ANP32E: variants seen among roughly 807,000 people sequenced by gnomAD.
The protein encoded by ANP32E is acidic leucine-rich nuclear phosphoprotein 32 family member E.
Under a neutral mutation model 35.3 loss-of-function variants are expected in ANP32E, and 14 were observed. The ratio of observed to expected loss-of-function variants is 0.40; its 90% confidence interval spans 0.26 to 0.62. The LOEUF (loss-of-function observed/expected upper bound fraction) is 0.62. Among genes scored for constraint, ANP32E ranks in the 20% least tolerant of loss-of-function variants. ANP32E has a pLI of 0.45. For synonymous variants in ANP32E, 89 were observed against 110.4 expected (o/e 0.81, Z 1.22); for missense variants, 198 against 304.4 (o/e 0.65, Z 2.60).
At chr1:150,234,673 A>C in intron 1 of ANP32E, 5 of 985,604 alleles carry the variant, frequency 5.1e-6, no homozygotes, top group Non-Finnish European at 6.0e-6. Flanking sequence ...TGCCGCTCCG[A>C]CTGACGGGAA....
Position 150,220,384 on chromosome 1 carries a change from T to C in ANP32E, c.*307A>G. 1 of 264,848 alleles carries C rather than the reference T, an allele frequency of 3.8e-6. No individual in the cohort carries two copies. The highest frequency in any genetic ancestry group is 4.8e-5 in the South Asian group (1 of 20,708). The allele number at this position is 264,848 out of a possible 1,614,324, so 16.4% of individuals were successfully genotyped here. On this transcript the variant is annotated 3_prime_UTR_variant, in exon 7 of 7. Coordinates refer to ENST00000583931, the MANE Select transcript of ANP32E (RefSeq NM_030920.5). ...GCACCATACTACACCTGTGTAAAAG[T>C]GATCATGTTTTAATTATGGGCTAAA... is the stretch of plus-strand genomic sequence containing the variant.
intron 2 of ANP32E, among the ~76,000 whole-genome samples, 182 bp from the exon 3 acceptor site, chr1:150,230,875 T>C (rs1198364422): frequency 5.3e-5 from 8 of 152,016 alleles, no homozygotes; most frequent in Admixed American, 4.6e-4. Context: ...CCCAAGTAGC[T>C]GGGATTACAG....
At position 150,218,721 on chromosome 1, in the gene ANP32E, A is replaced by G. The variant is rs1363069278; in HGVS notation, c.*1970T>C. ...TCTACAAAATATAAAACCCACCCTT[A>G]CTTATTTGCATGAAAATACCACCCA... On this transcript the variant is annotated 3_prime_UTR_variant, in exon 7 of 7. Transcript: ENST00000583931. 6.6e-6 allele frequency: 1 copy of G among 152,596 alleles called. No homozygotes were observed. The highest frequency in any genetic ancestry group is 2.4e-5 in the African/African-American group (1 of 41,448). 9.5% of individuals were successfully genotyped at this position (152,596 alleles called of 1,614,324 possible). A position where few individuals can be genotyped will look rare whatever the true frequency, so the allele number is the denominator to read the frequency against.
At position 150,235,833 on chromosome 1, in the gene ANP32E, C is replaced by T; in HGVS notation, c.-47G>A. On this transcript the variant is annotated 5_prime_UTR_variant, in exon 1 of 7. Transcript: ENST00000583931. This position sits in a 1 kb window ranked among gnomAD's most constrained non-coding sequence, Gnocchi z 4.2. ...TACTACTCTCCTTTTCCCTTTCCTG[C>T]CTTCCCCAATACCCCCAACCCAAAA... The T allele has an allele frequency of 6.7e-7, 1 of 1,484,026 alleles. No individual in the cohort carries two copies. Among genetic ancestry groups the T allele is most frequent in the South Asian group, 1.2e-5 (1 of 84,712 alleles). 91.9% of individuals were successfully genotyped at this position (1,484,026 alleles called of 1,614,324 possible).
intron 3 of ANP32E, 21 bp from the exon 4 acceptor site, chr1:150,229,258 C>G: frequency 8.0e-7 from 1 of 1,245,720 alleles, no homozygotes. Context: ...AAAGTTAAAA[C>G]TTACATTCAA....
In ANP32E at chr1:150,230,211, T is replaced by C. The variant is rs587676933; in HGVS notation, c.327+360A>G. ...TTTTTTCAAAATCAGAGCAATAATT[T>C]TCAGCATGTCAGTTTTTCTTTTCCT... is the stretch of plus-strand genomic sequence containing the variant. On this transcript the variant is annotated intron_variant, in intron 3 of 6. Transcript: ENST00000583931. 5.3e-5 allele frequency among the ~76,000 whole-genome samples: 8 copies of C among 152,042 alleles called. No individual in the cohort carries two copies. In the East Asian group the frequency reaches 1.5e-3, roughly 29 times the overall value.
rs188989339 is a variant in ANP32E at position 150,218,837 on chromosome 1, T to C, written c.*1854A>G. ...TAATTTTGATTGCACAGTAAGATGATTGATAAGAAAGTCAATATATAGATT... is the reference window on the plus strand; with the variant it reads ...TAATTTTGATTGCACAGTAAGATGACTGATAAGAAAGTCAATATATAGATT... On this transcript the variant is annotated 3_prime_UTR_variant, in exon 7 of 7. Transcript: ENST00000583931. The C allele has an allele frequency of 2.0e-5, 3 of 152,768 alleles. No homozygotes were observed. The highest frequency in any genetic ancestry group is 7.2e-5 in the African/African-American group (3 of 41,588). 9.5% of individuals were successfully genotyped at this position (152,768 alleles called of 1,614,324 possible).
rs1649121679 is a variant in ANP32E, at chr1:150,229,062, G to A, written c.493+10C>T. The stretch of plus-strand genomic sequence containing the variant: ...ATTATGACACACTTATGAGTATTAA[G>A]AACGATTACCCTCATCATCCTCCTC... On this transcript the variant is annotated intron_variant, in intron 4 of 6. Coordinates refer to ENST00000583931, the MANE Select transcript of ANP32E (RefSeq NM_030920.5). 6.2e-7 allele frequency: 1 copy of A among 1,610,254 alleles called. No homozygotes were observed. The highest frequency in any genetic ancestry group is 8.5e-7 in the Non-Finnish European group (1 of 1,178,642).
Position 150,236,051 on chromosome 1 carries a change from TACACACAC to T in ANP32E, c.-273_-266del, listed in dbSNP as rs1159794096. ...ACACGCACGCACGCGCGCACACACA[TACACACAC>T]ACATACACACACACACCCGCAGTTC... On this transcript the variant is annotated 5_prime_UTR_variant, in exon 1 of 7. An upstream open reading frame in the 5' UTR gains an earlier in-frame stop. Transcript: ENST00000583931. 4.1e-6 allele frequency: 2 copies of T among 488,352 alleles called. No individual in the cohort carries two copies. Among genetic ancestry groups the T allele is most frequent in the Non-Finnish European group, 7.5e-6 (2 of 268,066 alleles). 30.3% of individuals were successfully genotyped at this position (488,352 alleles called of 1,614,324 possible). A position where few individuals can be genotyped will look rare whatever the true frequency, so the allele number is the denominator to read the frequency against.
In ANP32E at chr1:150,218,489, GA is replaced by G. The variant is rs1173208788; in HGVS notation, c.*2201del. ...AAAACTTTAAGTTACAGCAGTCACA[GA>G]AAAAAACAGGGAACAGTCAAAAACA... On this transcript the variant is annotated 3_prime_UTR_variant, in exon 7 of 7. Transcript: ENST00000583931. 1 of 152,456 alleles carries G rather than the reference GA, an allele frequency of 6.6e-6. No homozygotes were observed. Among genetic ancestry groups the G allele is most frequent in the Non-Finnish European group, 1.5e-5 (1 of 67,994 alleles). 9.4% of individuals were successfully genotyped at this position (152,456 alleles called of 1,614,324 possible). A position where few individuals can be genotyped will look rare whatever the true frequency, so the allele number is the denominator to read the frequency against.
At chr1:150,225,987 C>T (rs1269328177) in intron 5 of ANP32E, among the ~76,000 whole-genome samples, 1 of 148,004 alleles carries the variant, frequency 6.8e-6, no homozygotes, top group Non-Finnish European at 1.5e-5. Context: ...ATCCTTAATC[C>T]TATGAGGTTG....
rs1339242877 is a variant in ANP32E, at chr1:150,225,665, T to TCAGAAAAAAAAAAAAAAAAAAAAA, written c.681+942_681+943insTTTTTTTTTTTTTTTTTTTTTCTG. ...CAGCCTGGGCAACAGAGTGAGACTG[T>TCAGAAAAAAAAAAAAAAAAAAAAA]AACAAAAAAAAAAAAAAAAAAAAAA... On this transcript the variant is annotated intron_variant, in intron 5 of 6. Coordinates refer to ENST00000583931, the MANE Select transcript of ANP32E (RefSeq NM_030920.5). Among the ~76,000 whole-genome samples, 2 of 83,536 alleles carry TCAGAAAAAAAAAAAAAAAAAAAAA rather than the reference T, an allele frequency of 2.4e-5. 1 individual carries two copies. 54.8% of individuals were successfully genotyped at this position (83,536 alleles called of 152,430 possible). A position where few individuals can be genotyped will look rare whatever the true frequency, so the allele number is the denominator to read the frequency against.
In ANP32E at chr1:150,226,699, T is replaced by C; in HGVS notation, c.590A>G (p.Asp197Gly). 1 of 1,576,930 alleles carries C rather than the reference T, an allele frequency of 6.3e-7. No homozygotes were observed. Among genetic ancestry groups the C allele is most frequent in the Admixed American group, 1.7e-5 (1 of 58,206 alleles). ...TGCTTCATCTTCATCTTCATCCTCA[T>C]CCTCATCCTCCTCTTCCTCTTCCTC... ...EEEEEEEEDE[D>G]EDEDEDEAGS... The change falls in exon 5 of 7, where the codon GAT (aspartate) becomes GGT (glycine). Residue 197 changes from aspartate (D) to glycine (G), a missense_variant. By Grantham distance (94) the Asp-to-Gly change is moderately conservative. Transcript: ENST00000583931.
At chr1:150,221,663 A>T (rs1450327078) in intron 6 of ANP32E, among the ~76,000 whole-genome samples, 3 of 149,742 alleles carry the variant, frequency 2.0e-5, no homozygotes, top group African/African-American at 7.3e-5. Flanking sequence ...AATTTCTTTA[A>T]ATTTGAGAAG....
rs1648261375 is a variant in ANP32E at position 150,220,569 on chromosome 1, A to T, written c.*122T>A. On this transcript the variant is annotated 3_prime_UTR_variant, in exon 7 of 7. Coordinates refer to ENST00000583931, the MANE Select transcript of ANP32E (RefSeq NM_030920.5). Reference sequence around the variant, plus strand: ...GATAAGGCAAAAATAGTAAAACCACACTTTTCCTATAAAAAGTTACACATT... The same window carrying T: ...GATAAGGCAAAAATAGTAAAACCACTCTTTTCCTATAAAAAGTTACACATT... The T allele has an allele frequency of 1.1e-6, 1 of 920,826 alleles. No individual in the cohort carries two copies. The allele number at this position is 920,826 out of a possible 1,614,324, so 57.0% of individuals were successfully genotyped here. A position where few individuals can be genotyped will look rare whatever the true frequency, so the allele number is the denominator to read the frequency against.
intron 4 of ANP32E, among the ~76,000 whole-genome samples, chr1:150,227,559 G>A (rs1411399619): frequency 6.6e-6 from 1 of 151,620 alleles, no homozygotes; most frequent in Non-Finnish European, 1.5e-5. Context: ...GGGACACAGG[G>A]ACATAAAGAT....
rs587756060 is a variant in ANP32E at position 150,236,030 on chromosome 1, G to A, written c.-244C>T. 1.5e-5 allele frequency: 8 copies of A among 528,252 alleles called. No homozygotes were observed. Among genetic ancestry groups the A allele is most frequent in the East Asian group, 3.3e-5 (1 of 30,138 alleles). 32.7% of individuals were successfully genotyped at this position (528,252 alleles called of 1,614,324 possible). ...CACACACTAGCGCGCGCACACACAC[G>A]CACGCACGCGCGCACACACATACAC... is the stretch of plus-strand genomic sequence containing the variant. On this transcript the variant is annotated 5_prime_UTR_variant, in exon 1 of 7. Transcript: ENST00000583931.
In ANP32E at chr1:150,229,185, T is replaced by C. The variant is rs1553840973; in HGVS notation, c.380A>G (p.Asn127Ser). Residue 127 changes from asparagine to serine, a missense_variant, in exon 4 of 7, where the codon AAC becomes AGC. Asn to Ser is a conservative substitution (Grantham distance 46). Around this residue, in one of 4 missense-constraint regions of ANP32E, gnomAD observed 31 missense variants for 62.6 expected, o/e 0.50. Coordinates refer to ENST00000583931, the MANE Select transcript of ANP32E (RefSeq NM_030920.5). ...AATACTTTCTCTATAATCTTCCAGG[T>C]TTGTGATCTCACAGTTAAACAGGTC... is the stretch of plus-strand genomic sequence containing the variant. ...SLDLFNCEITNLEDYRESIFE... is the reference protein window; with the variant it reads ...SLDLFNCEITSLEDYRESIFE... 1 of 1,612,874 alleles carries C rather than the reference T, an allele frequency of 6.2e-7. No individual in the cohort carries two copies. Among genetic ancestry groups the C allele is most frequent in the Non-Finnish European group, 8.5e-7 (1 of 1,179,172 alleles).
At chr1:150,221,546 AGGG>A in intron 6 of ANP32E, among the ~76,000 whole-genome samples, 2 of 87,066 alleles carry the variant, frequency 2.3e-5, no homozygotes, top group African/African-American at 1.0e-4. Context: ...GGAGGGAGGG[AGGG>A]AGGGAGGGAA....
Sources: gnomAD v4.1 joint callset for allele counts (sites outside exome capture counted in the v4.1 genomes callset) on GRCh38, gnomAD v4.1.1 for gene constraint, gnomAD v4.1.1 regional missense constraint, Gnocchi (gnomAD v3.1) non-coding constraint, MANE v1.5 for transcripts, NCBI Gene and HGNC (gene_info 2026-07-23, HGNC 2026-07-21) for gene names.